Variants in STX16 observed in about 807,000 individuals in gnomAD.
STX16 encodes syntaxin-16.
Under a neutral mutation model 42.7 loss-of-function variants are expected in STX16, and 28 were observed. The ratio of observed to expected loss-of-function variants is 0.66; its 90% confidence interval spans 0.49 to 0.90. STX16 has a LOEUF of 0.90. Among genes scored for constraint, STX16 ranks in the 40% least tolerant of loss-of-function variants. STX16 has a pLI of 0.00. For missense variants in STX16, 361 were observed against 420.9 expected (o/e 0.86, Z 1.24); for synonymous variants, 156 against 155.2 (o/e 1.00, Z -0.04).
intron 1 of STX16, among the ~76,000 whole-genome samples, chr20:58,653,976 A>G (rs2083531881): frequency 6.6e-6 from 1 of 152,134 alleles, no homozygotes. Flanking sequence ...AAGTTAGGCA[A>G]TTTTAAAAAA....
chr20:58,673,538 A>G, intron 7 of STX16, 93 bp from the exon 8 acceptor site: 1 of 841,580 alleles, frequency 1.2e-6, no homozygotes, highest in Non-Finnish European at 2.0e-6. Context: ...CATCTTATGG[A>G]TGATGATGTC....
intron 2 of STX16, among the ~76,000 whole-genome samples, chr20:58,661,435 C>G (rs1402098876): frequency 2.0e-5 from 3 of 152,262 alleles, no homozygotes; most frequent in African/African-American, 7.2e-5. Flanking sequence ...TGATCAGAGG[C>G]CCTGCGTAGA....
At chr20:58,653,077 G>GAA (rs2083508260) in intron 1 of STX16, among the ~76,000 whole-genome samples, 1 of 152,196 alleles carries the variant, frequency 6.6e-6, no homozygotes, top group African/African-American at 2.4e-5. Flanking sequence ...CAATTGAAAA[G>GAA]TGAAGTTATG....
rs763050618 is a variant in STX16 at position 58,671,198 on chromosome 20, G to A, written c.693G>A (p.Leu231=). 6.2e-7 allele frequency: 1 copy of A among 1,614,168 alleles called. No individual in the cohort carries two copies. The highest frequency in any genetic ancestry group is 1.1e-5 in the South Asian group (1 of 91,074). ...TAGTTCTGGTGGAGCAGAACACACT[G>A]ATGGTGGAAGAGCGGGAACGAGAGA... ...DQLVLVEQNT[L]MVEEREREIR... Residue 231 remains leucine (L), a synonymous_variant, in exon 7 of 9, where the codon CTG becomes CTA. Transcript: ENST00000371141.
chr20:58,667,362 TTTAAG>T lies in STX16; in HGVS notation c.145-127_145-123del, dbSNP rs1459937322. On this transcript the variant is annotated intron_variant, in intron 2 of 8. Transcript: ENST00000371141. ...TTCTATATATTTTCAGGGAGCAACA[TTTAAG>T]AGAGAGTAAACATTCACTCCTTTCT... The T allele has an allele frequency of 4.9e-6, 4 of 815,840 alleles. No individual in the cohort carries two copies. In the African/African-American group the frequency reaches 6.8e-5, roughly 14 times the overall value. The allele number at this position is 815,840 out of a possible 1,614,324, so 50.5% of individuals were successfully genotyped here. A position where few individuals can be genotyped will look rare whatever the true frequency, so the allele number is the denominator to read the frequency against.
chr20:58,652,344 G>A, intron 1 of STX16: 2 of 706,260 alleles, frequency 2.8e-6, no homozygotes, highest in Non-Finnish European at 2.4e-6. Flanking sequence ...CTCCACCTCT[G>A]CCCGGTCTTC....
At position 58,667,308 on chromosome 20, in the gene STX16, T is replaced by A. The variant is rs535078192; in HGVS notation, c.145-182T>A. ...ATCCTAGCAGTTATCAAAAGCAAGT[T>A]TATAATACAGGCAAGTGCATTCACT... On this transcript the variant is annotated intron_variant, in intron 2 of 8. Transcript: ENST00000371141. The A allele has an allele frequency of 2.3e-5, 16 of 690,262 alleles. No individual in the cohort carries two copies. In the East Asian group the frequency reaches 4.5e-4, roughly 19 times the overall value. The allele number at this position is 690,262 out of a possible 1,614,324, so 42.8% of individuals were successfully genotyped here.
At chr20:58,670,043 C>T (rs2083932058) in intron 5 of STX16, among the ~76,000 whole-genome samples, 1 of 152,160 alleles carries the variant, frequency 6.6e-6, no homozygotes, top group African/African-American at 2.4e-5. Context: ...ATAAAGTCCC[C>T]ACATACTCCA....
At chr20:58,663,200 A>G (rs2083741675) in intron 2 of STX16, among the ~76,000 whole-genome samples, 1 of 152,028 alleles carries the variant, frequency 6.6e-6, no homozygotes, top group South Asian at 2.1e-4. Context: ...GATGGGGAGG[A>G]GGTGTAGCTG....
intron 1 of STX16, among the ~76,000 whole-genome samples, chr20:58,658,407 AG>A (rs1389380348): frequency 6.6e-6 from 1 of 152,236 alleles, no homozygotes; most frequent in East Asian, 1.9e-4. Flanking sequence ...CTATTATGGC[AG>A]GGTGTGTATA....
Position 58,671,252 on chromosome 20 carries a change from C to T in STX16, c.747C>T (p.Asp249=), listed in dbSNP as rs751180587. 1 of 1,613,610 alleles carries T rather than the reference C, an allele frequency of 6.2e-7. No individual in the cohort carries two copies. The highest frequency in any genetic ancestry group is 1.1e-5 in the South Asian group (1 of 91,018). The part of the protein sequence containing the change: ...EIRQIVQSIS[D]LNEIFRDLGA... ...GCCAGATTGTACAGTCCATTTCTGA[C>T]CTGAATGAAATATTCAGGGACTTAG... Residue 249 remains aspartate, a synonymous_variant, in exon 7 of 9, where the codon GAC becomes GAT. Coordinates refer to ENST00000371141, the MANE Select transcript of STX16 (RefSeq NM_001001433.3).
At chr20:58,659,263 T>C (rs1352276127) in intron 1 of STX16, among the ~76,000 whole-genome samples, 2 of 152,218 alleles carry the variant, frequency 1.3e-5, no homozygotes, top group East Asian at 3.8e-4. Flanking sequence ...AATGTGGTAT[T>C]GTATGTGATA....
At chr20:58,673,782 C>T in intron 8 of STX16, 71 bp downstream of exon 8, 1 of 1,108,938 alleles carries the variant, frequency 9.0e-7, no homozygotes, top group East Asian at 2.4e-5. Context: ...TAAGAGGGTT[C>T]TTTTCCACCA....
At chr20:58,663,138 G>A (rs1174762289) in intron 2 of STX16, among the ~76,000 whole-genome samples, 2 of 152,116 alleles carry the variant, frequency 1.3e-5, no homozygotes, top group African/African-American at 4.8e-5. Context: ...CAGAATTATC[G>A]GTATTGTTCT....
chr20:58,653,553 G>T (rs1377512700), intron 1 of STX16, among the ~76,000 whole-genome samples: 1 of 152,178 alleles, frequency 6.6e-6, no homozygotes, highest in African/African-American at 2.4e-5. Flanking sequence ...ACATTATATT[G>T]AAATAAATGT....
intron 8 of STX16, among the ~76,000 whole-genome samples, chr20:58,675,589 G>T (rs1174675309): frequency 6.6e-6 from 1 of 152,214 alleles, no homozygotes; most frequent in East Asian, 1.9e-4. Flanking sequence ...TTGCTGTATC[G>T]TTAGCGGCAC....
Position 58,651,973 on chromosome 20 carries a change from G to A in STX16, c.-34G>A, listed in dbSNP as rs1300112384. 1.2e-6 allele frequency: 2 copies of A among 1,610,390 alleles called. No homozygotes were observed. Among genetic ancestry groups the A allele is most frequent in the East Asian group, 2.2e-5 (1 of 44,804 alleles). On this transcript the variant is annotated 5_prime_UTR_variant, in exon 1 of 9. Transcript: ENST00000371141. Reference sequence around the variant, plus strand: ...TAAATCAGGAATATAAGTGGGCGGGGGGCCCCTGAGAGGGGGGTCGCAAAG... The same window carrying A: ...TAAATCAGGAATATAAGTGGGCGGGAGGCCCCTGAGAGGGGGGTCGCAAAG...
intron 1 of STX16, among the ~76,000 whole-genome samples, chr20:58,656,188 C>T (rs1338222374): frequency 6.6e-6 from 1 of 152,168 alleles, no homozygotes; most frequent in Non-Finnish European, 1.5e-5. Flanking sequence ...TCCAGCAGCC[C>T]TATCGATTCA....
rs1303006281 is a variant in STX16, at chr20:58,676,373, CA to C, written c.*83del. The C allele has an allele frequency of 7.5e-5, 94 of 1,259,616 alleles. 1 individual carries two copies. The South Asian group carries it at 1.1e-3, about 14-fold the overall frequency. The allele number at this position is 1,259,616 out of a possible 1,614,324, so 78.0% of individuals were successfully genotyped here. ...TGGCCTGCGCCCCGCCAGCTGCCCG[CA>C]GAGGTGCAGCCTCGAGGAATCTGAG... On this transcript the variant is annotated 3_prime_UTR_variant, in exon 9 of 9. Coordinates refer to ENST00000371141, the MANE Select transcript of STX16 (RefSeq NM_001001433.3).
Sources: allele counts gnomAD v4.1 joint callset (sites outside exome capture counted in the v4.1 genomes callset), GRCh38; gene constraint gnomAD v4.1.1; transcripts MANE v1.5; gene names NCBI Gene and HGNC (gene_info 2026-07-23, HGNC 2026-07-21).